Variants in AHDC1 observed in about 807,000 individuals in gnomAD.
The protein encoded by AHDC1 is AT-hook DNA binding motif containing 1.
A neutral mutation model predicts 87.9 loss-of-function variants in AHDC1; 7 were observed. The ratio of observed to expected loss-of-function variants is 0.08; its 90% CI spans 0.05 to 0.15. The LOEUF (loss-of-function observed/expected upper bound fraction) is 0.15, where lower values mean the gene tolerates loss of function less well. Among genes scored for constraint, AHDC1 ranks in the 10% least tolerant of loss-of-function variants. AHDC1 has a pLI of 1.00. For synonymous variants in AHDC1, 1,051 were observed against 1,006.8 expected (o/e 1.04, Z -0.83); for missense variants, 1,841 against 2,253.2 (o/e 0.82, Z 3.70).
At position 27,590,584 on chromosome 1, in the gene AHDC1, G is replaced by A. The variant is rs1274671404; in HGVS notation, c.-629+12813C>T. 1.3e-5 allele frequency among the ~76,000 whole-genome samples: 2 copies of A among 151,506 alleles called. No individual in the cohort carries two copies. The highest frequency in any genetic ancestry group is 4.9e-5 in the African/African-American group (2 of 41,172). ...TGAGTGTTTTGCTTCTCTCAGACTT[G>A]GGGGGTCTGAGGACAAGGCTGTGTG... On this transcript the variant is annotated intron_variant, in intron 3 of 8. Transcript: ENST00000673934. The surrounding 1 kb of genome is among the most constrained non-coding windows in gnomAD (Gnocchi z 5.4).
At chr1:27,559,841 C>T (rs567822677) in intron 3 of AHDC1, among the ~76,000 whole-genome samples, 25 of 152,202 alleles carry the variant, frequency 1.6e-4, no homozygotes, top group Non-Finnish European at 2.9e-4. Context: ...GGTCTGGGAA[C>T]CAGGCCTCAC....
intron 5 of AHDC1, among the ~76,000 whole-genome samples, chr1:27,557,859 C>T (rs970646746): frequency 6.6e-6 from 1 of 152,216 alleles, no homozygotes; most frequent in Non-Finnish European, 1.5e-5. Context: ...TCCACTTACA[C>T]AACTCTTGTA....
intron 3 of AHDC1, among the ~76,000 whole-genome samples, chr1:27,592,854 G>A (rs549693707): frequency 4.9e-4 from 75 of 152,112 alleles, no homozygotes; most frequent in Non-Finnish European, 8.7e-4. Context: ...GGGTTCTTCC[G>A]CACTCCTCTA....
At chr1:27,581,506 A>G (rs979505427) in intron 3 of AHDC1, among the ~76,000 whole-genome samples, 1 of 151,528 alleles carries the variant, frequency 6.6e-6, no homozygotes, top group African/African-American at 2.4e-5. Context: ...AGGGACCCTC[A>G]GAAAATCTGG....
At chr1:27,545,880 T>C (rs1047211908) in intron 8 of AHDC1, among the ~76,000 whole-genome samples, 2 of 152,064 alleles carry the variant, frequency 1.3e-5, no homozygotes, top group African/African-American at 4.8e-5. Context: ...GTCAAGGGCA[T>C]GTGGGAAGTT....
rs1489918503 is a variant in AHDC1 at position 27,558,664 on chromosome 1, G to A, written c.-451+42C>T. 5.0e-6 allele frequency: 2 copies of A among 398,366 alleles called. No individual in the cohort carries two copies. Among genetic ancestry groups the A allele is most frequent in the African/African-American group, 4.1e-5 (2 of 48,626 alleles). 24.7% of individuals were successfully genotyped at this position (398,366 alleles called of 1,614,324 possible). On this transcript the variant is annotated intron_variant, in intron 4 of 8. Transcript: ENST00000673934. The surrounding 1 kb of genome is among the most constrained non-coding windows in gnomAD (Gnocchi z 5.6). ...AGTTCCCCTGATCCCCACTTCCTGG[G>A]GGTGGCCCAGGCCCAAGCCTGACTT...
At chr1:27,541,665 T>C (rs2018928382) in intron 8 of AHDC1, among the ~76,000 whole-genome samples, 1 of 148,962 alleles carries the variant, frequency 6.7e-6, no homozygotes. Flanking sequence ...TTTTTGCTCT[T>C]GTCACCCAGG....
chr1:27,599,976 T>C (rs1299032548), intron 3 of AHDC1, among the ~76,000 whole-genome samples: 1 of 151,912 alleles, frequency 6.6e-6, no homozygotes, highest in African/African-American at 2.4e-5. Context: ...GAATCTGATC[T>C]TGGGTGAGAG....
chr1:27,600,982 C>T (rs563955445), intron 3 of AHDC1, among the ~76,000 whole-genome samples: 1 of 152,286 alleles, frequency 6.6e-6, no homozygotes, highest in East Asian at 1.9e-4. Flanking sequence ...TGTCCCACAG[C>T]GCCTGAGGGT....
intron 8 of AHDC1, among the ~76,000 whole-genome samples, chr1:27,541,021 A>C (rs1276503121): frequency 5.6e-4 from 84 of 150,554 alleles, no homozygotes; most frequent in African/African-American, 1.8e-3. Flanking sequence ...AAAAAAAAAA[A>C]AAAAACAACA....
chr1:27,566,029 G>A (rs1051745185), intron 3 of AHDC1, among the ~76,000 whole-genome samples: 2 of 152,236 alleles, frequency 1.3e-5, no homozygotes, highest in African/African-American at 4.8e-5. Context: ...CCTTTGGGGT[G>A]ACTCTGGAGC....
intron 3 of AHDC1, among the ~76,000 whole-genome samples, chr1:27,591,669 T>C (rs2089226559): frequency 6.6e-6 from 1 of 152,130 alleles, no homozygotes; most frequent in South Asian, 2.1e-4. Flanking sequence ...AAGACCTGAG[T>C]TTTACTGGTG....
intron 3 of AHDC1, among the ~76,000 whole-genome samples, chr1:27,580,309 C>T (rs2088869213): frequency 6.6e-6 from 1 of 152,164 alleles, no homozygotes; most frequent in Admixed American, 6.5e-5. Context: ...GGACAGATAC[C>T]AAGCCCTCTG....
chr1:27,589,236 C>G (rs781304567), intron 3 of AHDC1, among the ~76,000 whole-genome samples: 1 of 152,132 alleles, frequency 6.6e-6, no homozygotes, highest in Non-Finnish European at 1.5e-5. Flanking sequence ...CCCAGATGTG[C>G]GTGTGCCTCT....
At chr1:27,567,391 G>A (rs1254926349) in intron 3 of AHDC1, among the ~76,000 whole-genome samples, 4 of 152,022 alleles carry the variant, frequency 2.6e-5, no homozygotes, top group East Asian at 1.9e-4. Flanking sequence ...TCGGGGGGCC[G>A]GGAGGGGGGC....
intron 3 of AHDC1, among the ~76,000 whole-genome samples, chr1:27,581,737 C>A (rs2088914730): frequency 6.6e-6 from 1 of 152,194 alleles, no homozygotes; most frequent in Non-Finnish European, 1.5e-5. Context: ...CGTGTCTGCC[C>A]TGAAACCTTT....
chr1:27,590,486 C>CA lies in AHDC1; in HGVS notation c.-629+12910dup, dbSNP rs1203183173. On this transcript the variant is annotated intron_variant, in intron 3 of 8. Coordinates refer to ENST00000673934, the MANE Select transcript of AHDC1 (RefSeq NM_001371928.1). The surrounding 1 kb of genome is among the most constrained non-coding windows in gnomAD (Gnocchi z 5.4). ...CCCAGGCCAGCCACCCAGCACCACC[C>CA]ACCCCCACCACCCCTCAGCACACAC... Among the ~76,000 whole-genome samples the CA allele has an allele frequency of 1.3e-5, 2 of 152,102 alleles. No individual in the cohort carries two copies. Among genetic ancestry groups the CA allele is most frequent in the African/African-American group, 4.8e-5 (2 of 41,434 alleles).
Position 27,560,677 on chromosome 1 carries a change from G to C in AHDC1, c.-628-1794C>G, listed in dbSNP as rs961563810. Among the ~76,000 whole-genome samples the C allele has an allele frequency of 6.6e-6, 1 of 152,044 alleles. No homozygotes were observed. The highest frequency in any genetic ancestry group is 1.5e-5 in the Non-Finnish European group (1 of 68,016). ...TTGTGTGACCTTATTGTGTGTCTGTGTACCACAGCGTGTCTCTGTGTATGT... is the reference window on the plus strand; with the variant it reads ...TTGTGTGACCTTATTGTGTGTCTGTCTACCACAGCGTGTCTCTGTGTATGT... On this transcript the variant is annotated intron_variant, in intron 3 of 8. Coordinates refer to ENST00000673934, the MANE Select transcript of AHDC1 (RefSeq NM_001371928.1). The surrounding 1 kb of genome is among the most constrained non-coding windows in gnomAD (Gnocchi z 4.1).
chr1:27,586,213 C>G (rs980792149), intron 3 of AHDC1, among the ~76,000 whole-genome samples: 14 of 152,210 alleles, frequency 9.2e-5, no homozygotes, highest in South Asian at 4.1e-4. Flanking sequence ...GCAGGGGCCT[C>G]AGGTCAGGCC....
Sources: allele counts gnomAD v4.1 joint callset (sites outside exome capture counted in the v4.1 genomes callset), GRCh38; gene constraint gnomAD v4.1.1; non-coding constraint Gnocchi (gnomAD v3.1); transcripts MANE v1.5; gene names NCBI Gene and HGNC (gene_info 2026-07-23, HGNC 2026-07-21).